Variants in CADM2 observed in about 807,000 individuals in gnomAD.
The protein encoded by CADM2 is immunoglobulin superfamily member 4D.
Under a neutral mutation model 49.8 loss-of-function variants are expected in CADM2, and 12 were observed. The ratio of observed to expected loss-of-function variants is 0.24; its 90% CI spans 0.15 to 0.39. The LOEUF is 0.39. Among genes scored for constraint, CADM2 ranks in the 10% least tolerant of loss-of-function variants. CADM2 has a pLI of 1.00. For synonymous variants in CADM2, 214 were observed against 175.4 expected (o/e 1.22, Z -1.74); for missense variants, 378 against 492.3 (o/e 0.77, Z 2.20).
chr3:85,654,052 G>A (rs770316317), intron 1 of CADM2, among the ~76,000 whole-genome samples: 6 of 152,220 alleles, frequency 3.9e-5, no homozygotes, highest in Non-Finnish European at 5.9e-5. Flanking sequence ...GCAGTTCAGT[G>A]GATTTGTGGG....
intron 1 of CADM2, among the ~76,000 whole-genome samples, chr3:85,116,923 C>G (rs1028017314): frequency 6.6e-6 from 1 of 152,062 alleles, no homozygotes; most frequent in Non-Finnish European, 1.5e-5. Context: ...AGGACACGGG[C>G]GGTGACTCAC....
intron 1 of CADM2, among the ~76,000 whole-genome samples, chr3:85,009,578 T>A (rs1254143804): frequency 6.6e-6 from 1 of 152,160 alleles, no homozygotes; most frequent in Non-Finnish European, 1.5e-5. Flanking sequence ...TGAAAATATG[T>A]AGTTTGGCCG....
chr3:85,142,640 T>A (rs17022521), intron 1 of CADM2, among the ~76,000 whole-genome samples: 11,257 of 152,176 alleles, frequency 0.074, 1,404 homozygotes, highest in African/African-American at 0.26. Context: ...TCCCAATGAG[T>A]TAAAGTGAGG....
At chr3:85,894,273 C>A (rs564499587) in intron 5 of CADM2, among the ~76,000 whole-genome samples, 1 of 152,254 alleles carries the variant, frequency 6.6e-6, no homozygotes, top group Non-Finnish European at 1.5e-5. Flanking sequence ...CGCATGTTCT[C>A]ACTCATATGT....
At chr3:85,664,892 C>A (rs1162444626) in intron 1 of CADM2, among the ~76,000 whole-genome samples, 3 of 151,924 alleles carry the variant, frequency 2.0e-5, no homozygotes, top group African/African-American at 4.8e-5. Flanking sequence ...GATATTTTTT[C>A]CCATTGCATT....
intron 1 of CADM2, among the ~76,000 whole-genome samples, chr3:85,136,329 T>C (rs1247872561): frequency 3.8e-5 from 5 of 131,930 alleles, no homozygotes; most frequent in Admixed American, 3.7e-4. Context: ...AATTAGGTAC[T>C]GAGTAATGTG....
intron 1 of CADM2, among the ~76,000 whole-genome samples, chr3:85,419,708 G>A (rs2036082071): frequency 6.6e-6 from 1 of 151,980 alleles, no homozygotes; most frequent in African/African-American, 2.4e-5. Context: ...CATATGTATT[G>A]TGTAACTGCA....
intron 1 of CADM2, among the ~76,000 whole-genome samples, chr3:85,397,619 A>G (rs2034858139): frequency 6.6e-6 from 1 of 152,244 alleles, no homozygotes. Flanking sequence ...TAAGTGAAAT[A>G]AGCCAGACAT....
intron 1 of CADM2, among the ~76,000 whole-genome samples, chr3:85,331,955 C>T (rs1469074049): frequency 1.3e-5 from 2 of 152,016 alleles, no homozygotes; most frequent in East Asian, 1.9e-4. Flanking sequence ...AATCCTTTAG[C>T]AGTGGAGGAG....
intron 3 of CADM2, among the ~76,000 whole-genome samples, chr3:85,876,037 C>A (rs1326495253): frequency 1.3e-5 from 2 of 152,220 alleles, no homozygotes; most frequent in South Asian, 4.1e-4. Context: ...AAGGCTGACA[C>A]CCCGTGGTTG....
At chr3:85,558,775 T>C (rs1027603917) in intron 1 of CADM2, among the ~76,000 whole-genome samples, 3 of 152,080 alleles carry the variant, frequency 2.0e-5, no homozygotes, top group Non-Finnish European at 4.4e-5. Flanking sequence ...ACAGATGGCA[T>C]CTTAACCCCA....
intron 1 of CADM2, among the ~76,000 whole-genome samples, chr3:85,340,542 C>T (rs1026745193): frequency 4.4e-4 from 67 of 151,402 alleles, no homozygotes; most frequent in African/African-American, 1.5e-3. Context: ...ATATTGAAAA[C>T]ATGTTTCTAT....
At chr3:85,627,193 G>A (rs2064153099) in intron 1 of CADM2, among the ~76,000 whole-genome samples, 1 of 150,444 alleles carries the variant, frequency 6.6e-6, no homozygotes, top group South Asian at 2.1e-4. Flanking sequence ...TTGTTAAAAC[G>A]ACCTTCCTTT....
intron 1 of CADM2, among the ~76,000 whole-genome samples, chr3:85,151,918 T>G (rs1420501260): frequency 6.6e-6 from 1 of 152,212 alleles, no homozygotes; most frequent in Non-Finnish European, 1.5e-5. Context: ...TTATGATCAA[T>G]GAGTAGAGTA....
intron 1 of CADM2, among the ~76,000 whole-genome samples, chr3:85,207,326 C>T (rs2041670292): frequency 6.6e-6 from 1 of 152,154 alleles, no homozygotes; most frequent in Admixed American, 6.5e-5. Flanking sequence ...CTATTCATTT[C>T]ATCCTCTGAA....
chr3:85,945,459 G>A (rs1236795048), intron 7 of CADM2, among the ~76,000 whole-genome samples: 6 of 151,944 alleles, frequency 3.9e-5, no homozygotes, highest in African/African-American at 1.5e-4. Context: ...ACCAAAGCCG[G>A]GCAGAGACAT....
intron 8 of CADM2, among the ~76,000 whole-genome samples, chr3:86,058,687 G>A (rs1369013223): frequency 1.3e-5 from 2 of 151,114 alleles, no homozygotes; most frequent in African/African-American, 4.9e-5. Context: ...AATGTCCTTG[G>A]AACTTAATTT....
chr3:85,226,112 C>A (rs577681513), intron 1 of CADM2, among the ~76,000 whole-genome samples: 23 of 152,204 alleles, frequency 1.5e-4, no homozygotes, highest in African/African-American at 5.1e-4. Flanking sequence ...GTTTTAGTAT[C>A]AGGATGATGC....
At chr3:85,395,915 T>C (rs2034763452) in intron 1 of CADM2, among the ~76,000 whole-genome samples, 2 of 149,086 alleles carry the variant, frequency 1.3e-5, no homozygotes, top group Admixed American at 6.7e-5. Context: ...TAAGTTATTT[T>C]ATAAATAATG....
Sources: allele counts gnomAD v4.1 joint callset (sites outside exome capture counted in the v4.1 genomes callset), GRCh38; gene constraint gnomAD v4.1.1; transcripts MANE v1.5; gene names NCBI Gene and HGNC (gene_info 2026-07-23, HGNC 2026-07-21).